RGPD3: variants seen among roughly 807,000 people sequenced by gnomAD.
RGPD3 encodes RANBP2 like and GRIP domain containing 3, also known as ranBP2-like and GRIP domain-containing protein 3.
In RGPD3, 62 loss-of-function variants were observed where a neutral mutation model predicts 154.5. The observed-to-expected ratio is 0.40, with a 90% CI of 0.33 to 0.50. The LOEUF (loss-of-function observed/expected upper bound fraction) is 0.50. Among genes scored for constraint, RGPD3 ranks in the 20% least tolerant of loss-of-function variants. The pLI is 0.59. For missense variants in RGPD3, 919 were observed against 1,716.8 expected (o/e 0.54, Z 8.21); for synonymous variants, 308 against 607.0 (o/e 0.51, Z 7.24).
At chr2:106,470,438 C>T (rs1200332930), upstream of RGPD3, among the ~76,000 whole-genome samples, 1 of 152,216 alleles carries the variant, frequency 6.6e-6, no homozygotes, top group Admixed American at 6.5e-5. Context: ...TTGATTTTGC[C>T]ATGTCCTCCC....
rs748205579 is a variant in RGPD3 at position 106,424,807 on chromosome 2, C to G, written c.3160G>C (p.Glu1054Gln). 1.9e-6 allele frequency: 3 copies of G among 1,611,852 alleles called. No homozygotes were observed. The highest frequency in any genetic ancestry group is 2.3e-4 in the Middle Eastern group (1 of 4,430). Residue 1054 changes from glutamate (E) to glutamine (Q), a missense_variant, in exon 20 of 23, where the codon GAA (glutamate) becomes CAA (glutamine). Transcript: ENST00000409886. ...MPEKVELVTG[E>Q]EGEKVLYSQG... is the part of the protein sequence containing the mutation. Reference sequence around the variant, plus strand: ...GAATACAGAACTTTTTCACCTTCTTCTCCTGTTACAAGTTCTACTTTTTCA... The same window carrying G: ...GAATACAGAACTTTTTCACCTTCTTGTCCTGTTACAAGTTCTACTTTTTCA...
In RGPD3 at chr2:106,436,172, C is replaced by A. The variant is rs762409012; in HGVS notation, c.1709G>T (p.Gly570Val). 1.2e-6 allele frequency: 2 copies of A among 1,611,590 alleles called. No individual in the cohort carries two copies. Among genetic ancestry groups the A allele is most frequent in the Non-Finnish European group, 1.7e-6 (2 of 1,179,826 alleles). Residue 570 changes from glycine (G) to valine (V), a missense_variant, in exon 12 of 23, where the codon GGC becomes GTC. Physicochemically the swap from Gly to Val is moderately radical, Grantham distance 109. Transcript: ENST00000409886. ...ATGTACAAGCAGAGCAGGTTGAAGG[C>A]CATGTTTTTCCTGGGCTCTTAGAGT... Reference protein sequence around the residue: ...INTLRAQEKHGLQPALLVHWA... With the variant: ...INTLRAQEKHVLQPALLVHWA...
chr2:106,448,327 G>A (rs1305311671), intron 6 of RGPD3, among the ~76,000 whole-genome samples: 1 of 152,166 alleles, frequency 6.6e-6, no homozygotes, highest in African/African-American at 2.4e-5. Flanking sequence ...GGCCAGGCTG[G>A]TCTCGAACTC....
intron 22 of RGPD3, among the ~76,000 whole-genome samples, chr2:106,405,677 T>G (rs1288323310): frequency 2.0e-5 from 3 of 152,056 alleles, no homozygotes; most frequent in Non-Finnish European, 4.4e-5. Context: ...CCCAACCATA[T>G]GTCATTCTTT....
chr2:106,410,378 G>A (rs1019984915), intron 22 of RGPD3, among the ~76,000 whole-genome samples: 3 of 151,954 alleles, frequency 2.0e-5, no homozygotes, highest in African/African-American at 7.3e-5. Flanking sequence ...AGAGTTCTGG[G>A]TTTCTAATGT....
intron 22 of RGPD3, among the ~76,000 whole-genome samples, chr2:106,407,194 G>A (rs1323774904): frequency 2.6e-5 from 4 of 151,322 alleles, no homozygotes; most frequent in African/African-American, 9.7e-5. Context: ...CTTGCCTCTG[G>A]GATGGTAGCT....
rs1677651836 is a variant in RGPD3 at position 106,438,695 on chromosome 2, T to C, written c.1276+273A>G. On this transcript the variant is annotated intron_variant, in intron 9 of 22. Transcript: ENST00000409886. ...TACTTGGGAGACTGAGGCAGTAGAA[T>C]TACTTGAACCCGGGAGGCAGAGGTT... Among the ~76,000 whole-genome samples, 4 of 151,830 alleles carry C rather than the reference T, an allele frequency of 2.6e-5. No individual in the cohort carries two copies. The South Asian group carries it at 8.4e-4, about 32-fold the overall frequency.
intron 6 of RGPD3, among the ~76,000 whole-genome samples, chr2:106,450,531 C>T (rs1486191947): frequency 6.9e-6 from 1 of 144,004 alleles, no homozygotes. Context: ...TGAGCCTCCC[C>T]CTCTGAGGGC....
intron 7 of RGPD3, among the ~76,000 whole-genome samples, chr2:106,446,563 C>T (rs1258160197): frequency 2.0e-4 from 15 of 73,186 alleles, no homozygotes; most frequent in Non-Finnish European, 2.9e-4. Context: ...GAGCGAGACT[C>T]CATCTCAAAA....
In RGPD3 at chr2:106,468,256, G is replaced by C. The variant is rs547215583; in HGVS notation, c.33C>G (p.Tyr11Ter). The C allele has an allele frequency of 3.8e-5, 61 of 1,607,730 alleles. No individual in the cohort carries two copies. The Middle Eastern group carries it at 9.0e-4, about 24-fold the overall frequency. ...GGGCGGAGCCCTGCACCGAGGCGAC[G>C]TACCGCTCCCCGTAGGCCTTGCTGC... MSCSKAYGER[Y>*]VASVQGSAPS... Residue 11 changes from tyrosine (Y) to a stop codon, truncating the protein, a stop_gained, in exon 1 of 23, where the codon TAC becomes TAG. Transcript: ENST00000409886. LOFTEE classifies it high-confidence loss of function.
intron 22 of RGPD3, among the ~76,000 whole-genome samples, chr2:106,410,722 C>G (rs910544622): frequency 2.0e-5 from 3 of 151,966 alleles, no homozygotes; most frequent in Admixed American, 1.3e-4. Context: ...TCTTAGGTGA[C>G]TAGAAGTAGA....
At chr2:106,421,278 T>C (rs1275683613) in intron 20 of RGPD3, among the ~76,000 whole-genome samples, 3 of 152,056 alleles carry the variant, frequency 2.0e-5, no homozygotes, top group African/African-American at 4.8e-5. Flanking sequence ...TCTACAGTAG[T>C]GTATAGGCAC....
In RGPD3 at chr2:106,425,070, G is replaced by C. The variant is rs756092502; in HGVS notation, c.2897C>G (p.Thr966Arg). The change falls in exon 20 of 23, where the codon ACA (threonine) becomes AGA (arginine). Residue 966 changes from threonine (T) to arginine (R), a missense_variant. By Grantham distance (71) the Thr-to-Arg change is moderately conservative (BLOSUM62 -1). Coordinates refer to ENST00000409886, the MANE Select transcript of RGPD3 (RefSeq NM_001144013.2). ...KKGRGVIFGQ[T>R]SSTFTFADVA... is the part of the protein sequence containing the mutation. ...ATCTGCAAATGTAAAAGTGCTACTT[G>C]TTTGGCCAAAAATCACACCACGGCC... 3.7e-6 allele frequency: 6 copies of C among 1,611,906 alleles called. No individual in the cohort carries two copies. The South Asian group carries it at 4.4e-5, about 12-fold the overall frequency.
intron 20 of RGPD3, among the ~76,000 whole-genome samples, chr2:106,420,743 A>C (rs1188852741): frequency 6.6e-6 from 1 of 152,288 alleles, no homozygotes; most frequent in East Asian, 1.9e-4. Context: ...GTTTCTTTTT[A>C]TTCTTTTTAA....
intron 1 of RGPD3, among the ~76,000 whole-genome samples, chr2:106,467,735 C>G (rs1382583853): frequency 6.0e-4 from 83 of 139,332 alleles, no homozygotes; most frequent in African/African-American, 1.6e-3. Flanking sequence ...CTCAACAGAG[C>G]GCGCCAGGGA....
Position 106,441,334 on chromosome 2 carries a change from T to C in RGPD3, c.1025A>G (p.Asn342Ser), listed in dbSNP as rs1383289509. ...IKLIKGEAGQ[N>S]LLEMMACDRL... ...GTCACAGGCCATCATTTCCAGCAGA[T>C]TTTGTCCAGCTTCACCTTTTATTAA... is the stretch of plus-strand genomic sequence containing the variant. Residue 342 changes from asparagine to serine, a missense_variant, in exon 8 of 23, where the codon AAT becomes AGT. Coordinates refer to ENST00000409886, the MANE Select transcript of RGPD3 (RefSeq NM_001144013.2). 10 of 1,569,778 alleles carry C rather than the reference T, an allele frequency of 6.4e-6. No individual in the cohort carries two copies. Among genetic ancestry groups the C allele is most frequent in the East Asian group, 4.8e-5 (2 of 41,680 alleles).
intron 17 of RGPD3, among the ~76,000 whole-genome samples, chr2:106,432,320 G>T (rs990507686): frequency 4.7e-5 from 7 of 148,348 alleles, no homozygotes; most frequent in African/African-American, 1.7e-4. Context: ...GGGCCTGGTG[G>T]CGGGTGCCTG....
upstream of RGPD3, among the ~76,000 whole-genome samples, chr2:106,469,727 C>T (rs1678764733): frequency 6.6e-6 from 1 of 152,188 alleles, no homozygotes; most frequent in South Asian, 2.1e-4. Context: ...TTCATTTCCA[C>T]CTCTCAAGGC....
chr2:106,429,195 T>C (rs1257824135), intron 18 of RGPD3, among the ~76,000 whole-genome samples: 27 of 150,624 alleles, frequency 1.8e-4, no homozygotes, highest in Non-Finnish European at 2.4e-4. Context: ...AAAAACCCAG[T>C]ATGATTCAGG....
Sources: allele counts gnomAD v4.1 joint callset (sites outside exome capture counted in the v4.1 genomes callset), GRCh38; gene constraint gnomAD v4.1.1; transcripts MANE v1.5; gene names NCBI Gene and HGNC (gene_info 2026-07-23, HGNC 2026-07-21).